Variants in SUGP2 observed in about 807,000 individuals in gnomAD.
The protein encoded by SUGP2 is SURP and G-patch domain-containing protein 2.
A neutral mutation model predicts 90.5 loss-of-function variants in SUGP2; 24 were observed. The ratio of observed to expected loss-of-function variants is 0.27; its 90% CI spans 0.19 to 0.37. SUGP2 has a LOEUF of 0.37. Ranked by LOEUF, SUGP2 falls within the 10% of genes least tolerant of loss-of-function variation. The probability of loss-of-function intolerance (pLI) is 1.00; values close to 1 mark genes in which losing one functional copy is unlikely to be tolerated. For synonymous variants in SUGP2, 473 were observed against 513.4 expected (o/e 0.92, Z 1.06); for missense variants, 1,233 against 1,363.3 (o/e 0.90, Z 1.51).
At chr19:19,022,634 G>C (rs905318501) in intron 3 of SUGP2, among the ~76,000 whole-genome samples, 2 of 152,168 alleles carry the variant, frequency 1.3e-5, no homozygotes, top group African/African-American at 4.8e-5. Flanking sequence ...CTGTGGGAGG[G>C]TAAGTGGGTG....
At position 19,010,246 on chromosome 19, in the gene SUGP2, C is replaced by T. The variant is rs1465571647; in HGVS notation, c.1947G>A (p.Gln649=). The T allele has an allele frequency of 1.9e-6, 3 of 1,614,142 alleles. No homozygotes were observed. Among genetic ancestry groups the T allele is most frequent in the Non-Finnish European group, 2.5e-6 (3 of 1,180,034 alleles). ...RMSENLRGAD[Q]KPTSADCAVR... Reference sequence around the variant, plus strand: ...CTGCACAGTCTGCTGAGGTCGGCTTCTGGTCGGCTCCTCGCAAGTTCTCGC... The same window carrying T: ...CTGCACAGTCTGCTGAGGTCGGCTTTTGGTCGGCTCCTCGCAAGTTCTCGC... Residue 649 remains glutamine, a synonymous_variant, in exon 5 of 11, where the codon CAG becomes CAA. Transcript: ENST00000452918.
chr19:19,031,528 C>T (rs1456698252), intron 1 of SUGP2, among the ~76,000 whole-genome samples: 2 of 141,284 alleles, frequency 1.4e-5, no homozygotes, highest in African/African-American at 2.7e-5. Flanking sequence ...AGTGAGACTC[C>T]GTCTCAAAAA....
chr19:19,021,670 ATT>A (rs777104794), intron 3 of SUGP2, among the ~76,000 whole-genome samples: 6 of 144,296 alleles, frequency 4.2e-5, no homozygotes, highest in African/African-American at 1.3e-4. Context: ...TCATTCCAGC[ATT>A]TTTTTTTTTT....
In SUGP2 at chr19:18,995,241, C is replaced by T. The variant is rs201431527; in HGVS notation, c.3031G>A (p.Asp1011Asn). 1.2e-4 allele frequency: 189 copies of T among 1,612,164 alleles called. No homozygotes were observed. The highest frequency in any genetic ancestry group is 8.1e-4 in the Middle Eastern group (4 of 4,912). ...DLDFAQQKLT[D>N]KNLGFQMLQK... The stretch of plus-strand genomic sequence containing the variant: ...AGCATCTGGAAGCCCAGGTTCTTAT[C>T]GGTCAGCTTCTGCTGGGCGAAGTCC... Residue 1011 changes from aspartate to asparagine, a missense_variant, in exon 9 of 11, where the codon GAT (aspartate) becomes AAT (asparagine). By Grantham distance (23) the Asp-to-Asn change is conservative. Around this residue, in one of 8 missense-constraint regions of SUGP2, gnomAD observed 105 missense variants for 155.2 expected, o/e 0.68. Transcript: ENST00000452918.
rs755441897 is a variant in SUGP2 at position 19,030,969 on chromosome 19, G to A, written c.103C>T (p.Leu35Phe). Residue 35 changes from leucine to phenylalanine, a missense_variant, in exon 2 of 11, where the codon CTT (leucine) becomes TTT (phenylalanine). Leu to Phe is a conservative substitution (Grantham distance 22, BLOSUM62 0). This residue lies in a region of SUGP2 where 418 missense variants were observed against 399.9 expected (regional missense o/e 1.05). Transcript: ENST00000452918. ...DASGEAVSETLQFKAQDLLRA... is the reference protein window; with the variant it reads ...DASGEAVSETFQFKAQDLLRA... ...ATTTTACCTTGAGCTTTAAACTGAAGAGTTTCGCTTACAGCCTCACCACTG... is the reference window on the plus strand; with the variant it reads ...ATTTTACCTTGAGCTTTAAACTGAAAAGTTTCGCTTACAGCCTCACCACTG... The A allele has an allele frequency of 6.2e-7, 1 of 1,611,680 alleles. No homozygotes were observed. The highest frequency in any genetic ancestry group is 8.5e-7 in the Non-Finnish European group (1 of 1,179,486).
intron 3 of SUGP2, 145 bp downstream of exon 3, chr19:19,024,474 T>G: frequency 3.6e-6 from 3 of 830,130 alleles, no homozygotes; most frequent in Non-Finnish European, 5.6e-6. Context: ...ATGGCAGACA[T>G]ATATTGGCCA....
At chr19:19,012,040 G>A (rs1303562061) in intron 4 of SUGP2, among the ~76,000 whole-genome samples, 1 of 152,174 alleles carries the variant, frequency 6.6e-6, no homozygotes, top group Admixed American at 6.5e-5. Context: ...GAAGTAAGGT[G>A]GCTGTGTGTT....
Position 19,001,663 on chromosome 19 carries a change from C to A in SUGP2, c.2941G>T (p.Val981Phe). 1.2e-6 allele frequency: 2 copies of A among 1,614,228 alleles called. No individual in the cohort carries two copies. The highest frequency in any genetic ancestry group is 1.7e-6 in the Non-Finnish European group (2 of 1,180,042). ...LIQEPKVHEP[V>F]RIAYDRPRGR... ...CGAGGCCTGTCATAGGCAATTCGAA[C>A]TGGTTCATGGACTAGAAGACAAAAG... The change falls in exon 8 of 11, where the codon GTT (valine) becomes TTT (phenylalanine). Residue 981 changes from valine (V) to phenylalanine (F), a missense_variant. Transcript: ENST00000452918.
intron 10 of SUGP2, 36 bp downstream of exon 10, chr19:18,994,330 G>T: frequency 6.2e-7 from 1 of 1,601,834 alleles, no homozygotes; most frequent in Admixed American, 1.7e-5. Context: ...ACGCCAGCGA[G>T]GGCAGACGGC....
intron 4 of SUGP2, among the ~76,000 whole-genome samples, chr19:19,013,495 C>T (rs1199395600): frequency 6.6e-6 from 1 of 152,142 alleles, no homozygotes; most frequent in Non-Finnish European, 1.5e-5. Context: ...CATACCTAAA[C>T]TTTTATTTTG....
intron 1 of SUGP2, 59 bp downstream of exon 1, chr19:19,033,378 G>C: frequency 2.5e-6 from 3 of 1,216,460 alleles, no homozygotes; most frequent in Non-Finnish European, 3.1e-6. Flanking sequence ...CCCCAAGGCC[G>C]AGCCCGAGCT....
chr19:19,005,094 C>T lies in SUGP2; in HGVS notation c.2451-448G>A, dbSNP rs144104726. Among the ~76,000 whole-genome samples, 52 of 152,274 alleles carry T rather than the reference C, an allele frequency of 3.4e-4. 1 individual carries two copies. In the South Asian group the frequency reaches 5.6e-3, roughly 16 times the overall value. On this transcript the variant is annotated intron_variant, in intron 6 of 10. Coordinates refer to ENST00000452918, the MANE Select transcript of SUGP2 (RefSeq NM_001017392.5). ...TGCTGGAACATGTGCACCATGGAAC[C>T]GTAAGGTGCCCCCCGAGGAGGCTCC...
upstream of SUGP2, chr19:19,033,521 C>T: frequency 7.1e-7 from 1 of 1,401,684 alleles, no homozygotes; most frequent in Non-Finnish European, 9.3e-7. Context: ...CGGGGACATG[C>T]AAATGAACCA....
At chr19:19,007,754 CCTT>C (rs1242648681) in intron 6 of SUGP2, among the ~76,000 whole-genome samples, 6 of 141,850 alleles carry the variant, frequency 4.2e-5, no homozygotes, top group African/African-American at 1.3e-4. Flanking sequence ...TTGCACCTAG[CCTT>C]TTTTTTTTTT....
chr19:19,026,929 C>CA (rs2058957143), intron 2 of SUGP2, among the ~76,000 whole-genome samples: 1 of 152,248 alleles, frequency 6.6e-6, no homozygotes, highest in African/African-American at 2.4e-5. Flanking sequence ...CAAGATACAT[C>CA]AAGAGAGGCC....
chr19:19,007,723 G>A (rs1017805110), intron 6 of SUGP2, among the ~76,000 whole-genome samples: 7 of 149,990 alleles, frequency 4.7e-5, no homozygotes, highest in Non-Finnish European at 7.4e-5. Context: ...CCCAAAGTGC[G>A]GGGATTACAA....
At position 19,024,821 on chromosome 19, in the gene SUGP2, G is replaced by C. The variant is rs770041537; in HGVS notation, c.1527C>G (p.Pro509=). 2 of 1,614,212 alleles carry C rather than the reference G, an allele frequency of 1.2e-6. No homozygotes were observed. Among genetic ancestry groups the C allele is most frequent in the Non-Finnish European group, 1.7e-6 (2 of 1,180,046 alleles). The change falls in exon 3 of 11, where the codon CCC becomes CCG. Residue 509 remains proline (P), a synonymous_variant. Coordinates refer to ENST00000452918, the MANE Select transcript of SUGP2 (RefSeq NM_001017392.5). ...CGAAGTTTGGAAACGCAGCAGGTGA[G>C]GGAGCTATATCTTGCAGGCCGACAG... ...LEAVGLQDIA[P]SPAAFPNFED...
chr19:19,017,927 CT>C (rs1264966084), intron 4 of SUGP2, among the ~76,000 whole-genome samples: 1,485 of 139,906 alleles, frequency 0.011, 7 homozygotes, highest in Middle Eastern at 0.011. Flanking sequence ...CTGATCATCA[CT>C]TTTTTTTTTT....
chr19:18,999,246 C>A (rs548805068), intron 8 of SUGP2, among the ~76,000 whole-genome samples: 2 of 152,286 alleles, frequency 1.3e-5, no homozygotes, highest in South Asian at 4.1e-4. Flanking sequence ...AAAGCTGCAG[C>A]CACCACGGCC....
Sources: gnomAD v4.1 joint callset for allele counts (sites outside exome capture counted in the v4.1 genomes callset) on GRCh38, gnomAD v4.1.1 for gene constraint, gnomAD v4.1.1 regional missense constraint, MANE v1.5 for transcripts, NCBI Gene and HGNC (gene_info 2026-07-23, HGNC 2026-07-21) for gene names.